CDH13: variants seen among roughly 807,000 people sequenced by gnomAD.
CDH13 encodes cadherin 13.
CDH13 carries 24 observed loss-of-function variants against 63.8 expected under a neutral mutation model. That is an observed-to-expected ratio of 0.38 (90% CI 0.27 to 0.53). The LOEUF (loss-of-function observed/expected upper bound fraction) is 0.53. Among genes scored for constraint, CDH13 ranks in the 20% least tolerant of loss-of-function variants. The pLI is 0.85. For synonymous variants in CDH13, 503 were observed against 355.3 expected, an observed-to-expected ratio of 1.42 and a Z score of -4.67; for missense variants, 1,049 against 903.1, an observed-to-expected ratio of 1.16 and a Z score of -2.07.
At chr16:83,691,534 T>G (rs1036990337) in intron 10 of CDH13, among the ~76,000 whole-genome samples, 1 of 151,890 alleles carries the variant, frequency 6.6e-6, no homozygotes, top group African/African-American at 2.4e-5. Context: ...GAAAAGTACA[T>G]AGCCAGCCAG....
chr16:82,819,623 A>G (rs2037901374), intron 1 of CDH13, among the ~76,000 whole-genome samples: 1 of 152,208 alleles, frequency 6.6e-6, no homozygotes, highest in Non-Finnish European at 1.5e-5. Flanking sequence ...ACCTGCATGA[A>G]AGTTGACAGA....
intron 6 of CDH13, among the ~76,000 whole-genome samples, chr16:83,366,890 T>A (rs2091267595): frequency 1.3e-5 from 2 of 152,200 alleles, no homozygotes; most frequent in African/African-American, 4.8e-5. Flanking sequence ...CTGTTCTCAT[T>A]CAGCCAACAG....
rs1335771488 is a variant in CDH13 at position 83,795,862 on chromosome 16, G to C, written c.*832G>C. The C allele has an allele frequency of 6.6e-6, 1 of 152,570 alleles. No individual in the cohort carries two copies. Among genetic ancestry groups the C allele is most frequent in the Non-Finnish European group, 1.5e-5 (1 of 68,028 alleles). 9.5% of individuals were successfully genotyped at this position (152,570 alleles called of 1,614,324 possible). ...ATCCACAGTCGTACTGATTCTAATG[G>C]GGACACAGATCATGGTAGAGAATCT... is the stretch of plus-strand genomic sequence containing the variant. On this transcript the variant is annotated 3_prime_UTR_variant, in exon 14 of 14. Transcript: ENST00000567109.
intron 2 of CDH13, among the ~76,000 whole-genome samples, chr16:83,021,518 C>G (rs1025831993): frequency 4.6e-5 from 7 of 152,206 alleles, no homozygotes; most frequent in African/African-American, 1.7e-4. Flanking sequence ...CCCCTGAAAG[C>G]AGATGTGGCC....
intron 6 of CDH13, among the ~76,000 whole-genome samples, chr16:83,374,676 T>C (rs2091430029): frequency 6.6e-6 from 1 of 152,190 alleles, no homozygotes; most frequent in African/African-American, 2.4e-5. Flanking sequence ...GCGCTGTGTG[T>C]TCCTCCATTA....
chr16:83,347,585 A>T (rs2090866872), intron 6 of CDH13, among the ~76,000 whole-genome samples: 3 of 152,188 alleles, frequency 2.0e-5, no homozygotes, highest in Non-Finnish European at 4.4e-5. Flanking sequence ...ACATCATTTC[A>T]TCCATGATCC....
At chr16:82,865,530 A>G (rs1476991405) in intron 2 of CDH13, among the ~76,000 whole-genome samples, 1 of 152,218 alleles carries the variant, frequency 6.6e-6, no homozygotes, top group East Asian at 1.9e-4. Context: ...CCTGAACTGT[A>G]TTTTGGCCCC....
intron 10 of CDH13, among the ~76,000 whole-genome samples, chr16:83,679,440 T>C (rs1433871589): frequency 6.6e-6 from 1 of 152,188 alleles, no homozygotes; most frequent in Non-Finnish European, 1.5e-5. Flanking sequence ...CACCTGAAAA[T>C]GTGCAACAGG....
At chr16:83,233,279 G>A (rs1409401275) in intron 5 of CDH13, among the ~76,000 whole-genome samples, 4 of 152,276 alleles carry the variant, frequency 2.6e-5, no homozygotes, top group South Asian at 4.2e-4. Context: ...GCGTGAAGCC[G>A]ACCCTTACCC....
intron 6 of CDH13, among the ~76,000 whole-genome samples, chr16:83,393,286 G>A (rs763965695): frequency 1.6e-4 from 24 of 152,106 alleles, no homozygotes; most frequent in Admixed American, 9.8e-4. Context: ...AAGCATTCTC[G>A]TGGGAATATT....
At chr16:82,822,408 A>T (rs2549161) in intron 1 of CDH13, among the ~76,000 whole-genome samples, 1 of 152,106 alleles carries the variant, frequency 6.6e-6, no homozygotes, top group Non-Finnish European at 1.5e-5. Flanking sequence ...CCTGTCTTTG[A>T]GGGGATGCAC....
At chr16:82,973,690 T>G (rs1338264908) in intron 2 of CDH13, among the ~76,000 whole-genome samples, 1 of 152,204 alleles carries the variant, frequency 6.6e-6, no homozygotes, top group Non-Finnish European at 1.5e-5. Context: ...ACTGAAGGGA[T>G]GATATTTGAA....
chr16:83,163,146 G>C (rs139297519), intron 4 of CDH13, among the ~76,000 whole-genome samples: 1 of 152,230 alleles, frequency 6.6e-6, no homozygotes, highest in African/African-American at 2.4e-5. Flanking sequence ...GCCACCATGT[G>C]AGACATGCCA....
intron 4 of CDH13, among the ~76,000 whole-genome samples, chr16:83,153,040 C>T (rs2037056795): frequency 6.6e-6 from 1 of 152,152 alleles, no homozygotes; most frequent in African/African-American, 2.4e-5. Flanking sequence ...GCTGCCTACC[C>T]AGAGCCAACT....
intron 6 of CDH13, among the ~76,000 whole-genome samples, chr16:83,459,812 C>G (rs574539515): frequency 2.6e-5 from 4 of 152,154 alleles, no homozygotes; most frequent in Non-Finnish European, 5.9e-5. Context: ...CTGAGTACCA[C>G]AAAAAGTGTA....
At chr16:82,850,964 A>C (rs1597797795) in intron 1 of CDH13, among the ~76,000 whole-genome samples, 1 of 152,368 alleles carries the variant, frequency 6.6e-6, no homozygotes, top group Admixed American at 6.5e-5. Flanking sequence ...GAAGCCAAAA[A>C]GTTCATGTGA....
At position 83,499,022 on chromosome 16, in the gene CDH13, C is replaced by T. The variant is rs187665828; in HGVS notation, c.960+12367C>T. Among the ~76,000 whole-genome samples, 7 of 152,216 alleles carry T rather than the reference C, an allele frequency of 4.6e-5. No homozygotes were observed. In the South Asian group the frequency reaches 1.5e-3, roughly 32 times the overall value. ...GAATCAAATGGCTTTTTAAAGTACC[C>T]CTAGTGTTTTTTGATGCAGAAGTTT... On this transcript the variant is annotated intron_variant, in intron 7 of 13. Coordinates refer to ENST00000567109, the MANE Select transcript of CDH13 (RefSeq NM_001257.5).
At chr16:82,979,803 T>C (rs140619599) in intron 2 of CDH13, among the ~76,000 whole-genome samples, 412 of 152,178 alleles carry the variant, frequency 2.7e-3, no homozygotes, top group African/African-American at 9.6e-3. Flanking sequence ...AGGAAAACAA[T>C]AAGATCAGAA....
intron 7 of CDH13, among the ~76,000 whole-genome samples, chr16:83,594,744 C>T (rs1354950630): frequency 6.6e-6 from 1 of 152,210 alleles, no homozygotes; most frequent in Non-Finnish European, 1.5e-5. Flanking sequence ...ACAGCTACCA[C>T]TATGCTTGTT....
Sources: gnomAD v4.1 joint callset for allele counts (sites outside exome capture counted in the v4.1 genomes callset) on GRCh38, gnomAD v4.1.1 for gene constraint, MANE v1.5 for transcripts, NCBI Gene and HGNC (gene_info 2026-07-23, HGNC 2026-07-21) for gene names.